The following PTPRT variants were observed in gnomAD, a reference collection of about 807,000 sequenced individuals.
PTPRT encodes the protein protein tyrosine phosphatase receptor type T, also known as receptor-type tyrosine-protein phosphatase T.
Under a neutral mutation model 176.8 loss-of-function variants are expected in PTPRT, and 56 were observed. The ratio of observed to expected loss-of-function variants is 0.32; its 90% CI spans 0.26 to 0.40. The LOEUF (loss-of-function observed/expected upper bound fraction) is 0.40. Ranked by LOEUF, PTPRT falls within the 10% of genes least tolerant of loss-of-function variation. The probability of loss-of-function intolerance (pLI) is 1.00; values close to 1 mark genes in which losing one functional copy is unlikely to be tolerated. For missense variants in PTPRT, 1,540 were observed against 1,908.2 expected, an observed-to-expected ratio of 0.81 and a Z score of 3.60; for synonymous variants, 783 against 739.0, an observed-to-expected ratio of 1.06 and a Z score of -0.96.
intron 6 of PTPRT, among the ~76,000 whole-genome samples, chr20:42,751,657 G>A (rs2076771943): frequency 6.6e-6 from 1 of 152,132 alleles, no homozygotes; most frequent in Non-Finnish European, 1.5e-5. Context: ...GAAAGAAGCG[G>A]ACTTGCTGAG....
At chr20:42,765,783 C>G (rs953462533) in intron 5 of PTPRT, among the ~76,000 whole-genome samples, 4 of 151,872 alleles carry the variant, frequency 2.6e-5, no homozygotes, top group African/African-American at 9.7e-5. Flanking sequence ...ATAACTCATC[C>G]TTTTCACTTA....
At chr20:42,716,437 G>A (rs4341998) in intron 6 of PTPRT, among the ~76,000 whole-genome samples, 85 of 152,124 alleles carry the variant, frequency 5.6e-4, no homozygotes, top group Middle Eastern at 3.4e-3. Flanking sequence ...TTTAATGATC[G>A]CCATTCCAAC....
chr20:42,543,048 G>A (rs991382720), intron 7 of PTPRT, among the ~76,000 whole-genome samples: 2 of 152,170 alleles, frequency 1.3e-5, no homozygotes, highest in Non-Finnish European at 1.5e-5. Flanking sequence ...GTCTTGTCTC[G>A]ATGTTGATGG....
Position 42,080,942 on chromosome 20 carries a change from G to A in PTPRT, c.4273-10C>T, listed in dbSNP as rs569625705. The A allele has an allele frequency of 1.5e-5, 24 of 1,589,966 alleles. No individual in the cohort carries two copies. The highest frequency in any genetic ancestry group is 1.7e-4 in the Middle Eastern group (1 of 6,040). On this transcript the variant is annotated splice_polypyrimidine_tract_variant and intron_variant, in intron 30 of 30. Transcript: ENST00000373187. ...CAAATTTATACTGTTCCTGAGAGGC[G>A]GAGAGGAGCAGAGGCAGAGAGGGAG... is the stretch of plus-strand genomic sequence containing the variant.
chr20:43,125,076 A>C (rs1366515940), intron 1 of PTPRT, among the ~76,000 whole-genome samples: 2 of 151,422 alleles, frequency 1.3e-5, no homozygotes, highest in Non-Finnish European at 2.9e-5. Flanking sequence ...GCTCACTGCA[A>C]CCTCCACCTC....
At chr20:42,273,968 C>T (rs1024839888) in intron 13 of PTPRT, among the ~76,000 whole-genome samples, 1 of 152,192 alleles carries the variant, frequency 6.6e-6, no homozygotes, top group Admixed American at 6.5e-5. Flanking sequence ...AACAGAGGGA[C>T]AGCTGGATAA....
chr20:43,056,818 T>C (rs1168251220), intron 1 of PTPRT, among the ~76,000 whole-genome samples: 1 of 152,184 alleles, frequency 6.6e-6, no homozygotes, highest in Non-Finnish European at 1.5e-5. Context: ...CTCAAACGGA[T>C]TAATTGTTCC....
intron 15 of PTPRT, among the ~76,000 whole-genome samples, chr20:42,199,637 G>C (rs1262530158): frequency 1.3e-5 from 2 of 152,108 alleles, no homozygotes; most frequent in Non-Finnish European, 2.9e-5. Context: ...AAATCAATGA[G>C]ACTTGTACAA....
chr20:42,526,582 TC>T (rs1447114825), intron 7 of PTPRT, among the ~76,000 whole-genome samples: 1 of 152,186 alleles, frequency 6.6e-6, no homozygotes, highest in Non-Finnish European at 1.5e-5. Flanking sequence ...ATAAATTTGG[TC>T]CCAGTTTTTA....
At chr20:42,053,756 A>T in the PTPRT span, among the ~76,000 whole-genome samples, 1 of 152,154 alleles carries the variant, frequency 6.6e-6, no homozygotes, top group Non-Finnish European at 1.5e-5. Context: ...TTATTCATTC[A>T]CTTAATTTTT....
chr20:42,558,347 T>C (rs937766848), intron 7 of PTPRT, among the ~76,000 whole-genome samples: 20 of 152,178 alleles, frequency 1.3e-4, no homozygotes, highest in African/African-American at 4.6e-4. Flanking sequence ...ACATGTACCA[T>C]GTTTTCTTTA....
intron 1 of PTPRT, among the ~76,000 whole-genome samples, chr20:42,997,679 C>A (rs533932932): frequency 6.6e-6 from 1 of 152,216 alleles, no homozygotes; most frequent in Non-Finnish European, 1.5e-5. Flanking sequence ...AGGACAGAAA[C>A]GCTGGGGAAA....
chr20:42,624,005 C>CAAAAAAACAAACAAACAAACA (rs1159094345), intron 7 of PTPRT, among the ~76,000 whole-genome samples: 2 of 135,686 alleles, frequency 1.5e-5, no homozygotes, highest in African/African-American at 6.4e-5. Flanking sequence ...AAAACAATAG[C>CAAAAAAACAAACAAACAAACA]AACAAACAAA....
intron 1 of PTPRT, among the ~76,000 whole-genome samples, chr20:42,962,003 C>G (rs1405014237): frequency 6.6e-6 from 1 of 152,232 alleles, no homozygotes; most frequent in East Asian, 1.9e-4. Context: ...TTCTCCCCTA[C>G]AGCCTCCAGA....
At chr20:42,459,384 G>A (rs916231052) in intron 8 of PTPRT, among the ~76,000 whole-genome samples, 1 of 152,210 alleles carries the variant, frequency 6.6e-6, no homozygotes, top group Non-Finnish European at 1.5e-5. Flanking sequence ...TGGGAGCAGA[G>A]GGAGTGATAT....
intron 27 of PTPRT, among the ~76,000 whole-genome samples, chr20:42,088,505 G>A (rs1485492965): frequency 6.8e-6 from 1 of 147,328 alleles, no homozygotes; most frequent in Non-Finnish European, 1.5e-5. Context: ...AAGGATGTAG[G>A]AGATGGAAAC....
intron 2 of PTPRT, among the ~76,000 whole-genome samples, chr20:42,868,366 T>C (rs1009254282): frequency 2.6e-5 from 4 of 152,218 alleles, no homozygotes; most frequent in South Asian, 2.1e-4. Context: ...GTCTTCAAGA[T>C]AGCCAAGAAC....
intron 2 of PTPRT, among the ~76,000 whole-genome samples, chr20:42,799,349 C>T (rs1047791848): frequency 6.6e-6 from 1 of 152,088 alleles, no homozygotes; most frequent in Non-Finnish European, 1.5e-5. Context: ...CCCTCCTGAC[C>T]TCCCAAACAA....
chr20:42,251,429 A>C (rs73271025), intron 13 of PTPRT, among the ~76,000 whole-genome samples: 2,160 of 152,244 alleles, frequency 0.014, 46 homozygotes, highest in African/African-American at 0.05. Context: ...GCTCTCAAAG[A>C]GTCTACAATT....
Sources: gnomAD v4.1 joint callset for allele counts (sites outside exome capture counted in the v4.1 genomes callset) on GRCh38, gnomAD v4.1.1 for gene constraint, MANE v1.5 for transcripts, NCBI Gene and HGNC (gene_info 2026-07-23, HGNC 2026-07-21) for gene names.